The following EFCAB6 variants were observed in gnomAD, a reference collection of about 807,000 sequenced individuals.
The protein encoded by EFCAB6 is EF-hand calcium-binding domain-containing protein 6.
In EFCAB6, 156 loss-of-function variants were observed where a neutral mutation model predicts 169.8. That is an observed-to-expected ratio of 0.92 (90% CI 0.81 to 1.05). The LOEUF is 1.05. Ranked by LOEUF, EFCAB6 falls within the 50% of genes least tolerant of loss-of-function variation. EFCAB6 has a pLI of 0.00. For synonymous variants in EFCAB6, 698 were observed against 676.4 expected (o/e 1.03, Z -0.50); for missense variants, 1,800 against 1,829.1 (o/e 0.98, Z 0.29).
At chr22:43,644,050 C>T (rs1352507511) in intron 17 of EFCAB6, among the ~76,000 whole-genome samples, 5 of 152,064 alleles carry the variant, frequency 3.3e-5, no homozygotes, top group African/African-American at 4.8e-5. Context: ...TCTCCAACTC[C>T]TGACCTCAGG....
intron 16 of EFCAB6, among the ~76,000 whole-genome samples, chr22:43,667,772 G>A (rs774560397): frequency 6.6e-6 from 1 of 152,090 alleles, no homozygotes; most frequent in Non-Finnish European, 1.5e-5. Flanking sequence ...TCCACAAATC[G>A]GCTTGATTTA....
At chr22:43,757,319 G>A (rs1472969445) in intron 5 of EFCAB6, among the ~76,000 whole-genome samples, 1 of 152,128 alleles carries the variant, frequency 6.6e-6, no homozygotes, top group African/African-American at 2.4e-5. Context: ...AGACTGAGGC[G>A]GGAGGATCAC....
intron 2 of EFCAB6, among the ~76,000 whole-genome samples, chr22:43,800,414 T>C (rs574287851): frequency 1.3e-5 from 2 of 152,152 alleles, no homozygotes; most frequent in Non-Finnish European, 2.9e-5. Flanking sequence ...TGCAAAAACA[T>C]AGATGTACAT....
chr22:43,621,618 A>C (rs1021240260), intron 20 of EFCAB6, among the ~76,000 whole-genome samples: 1 of 152,116 alleles, frequency 6.6e-6, no homozygotes, highest in African/African-American at 2.4e-5. Context: ...TCAAATAAAA[A>C]CTATGAGTTT....
intron 17 of EFCAB6, among the ~76,000 whole-genome samples, chr22:43,643,980 C>T (rs1405163102): frequency 6.6e-6 from 1 of 152,066 alleles, no homozygotes; most frequent in African/African-American, 2.4e-5. Context: ...CCCACCATGA[C>T]GCCTGGCAAA....
At chr22:43,759,873 G>A (rs1459870142) in intron 5 of EFCAB6, 2 of 152,176 alleles carry the variant, frequency 1.3e-5, no homozygotes, top group African/African-American at 4.8e-5. Flanking sequence ...TATGTTCACT[G>A]TATGTTATCA....
At chr22:43,558,593 C>A (rs1159559146) in intron 26 of EFCAB6, among the ~76,000 whole-genome samples, 1 of 152,138 alleles carries the variant, frequency 6.6e-6, no homozygotes, top group Non-Finnish European at 1.5e-5. Flanking sequence ...ATTGATGTGG[C>A]AAACTTCAAT....
At chr22:43,611,059 A>G (rs1418121179) in intron 21 of EFCAB6, among the ~76,000 whole-genome samples, 1 of 152,202 alleles carries the variant, frequency 6.6e-6, no homozygotes, top group African/African-American at 2.4e-5. Context: ...AACTTATTCT[A>G]TGAGACCAGT....
chr22:43,605,907 C>G (rs1285780730), intron 22 of EFCAB6, among the ~76,000 whole-genome samples: 1 of 152,108 alleles, frequency 6.6e-6, no homozygotes, highest in African/African-American at 2.4e-5. Context: ...GGAAGTAGCT[C>G]ATCTAATGAA....
intron 4 of EFCAB6, among the ~76,000 whole-genome samples, chr22:43,766,918 G>A (rs1162552880): frequency 6.6e-6 from 1 of 151,980 alleles, no homozygotes; most frequent in East Asian, 1.9e-4. Context: ...AGAGTGCAGT[G>A]GCACAATCTT....
Position 43,711,470 on chromosome 22 carries a change from CT to C in EFCAB6, c.1031+4del. 1 of 1,576,876 alleles carries C rather than the reference CT, an allele frequency of 6.3e-7. No individual in the cohort carries two copies. The highest frequency in any genetic ancestry group is 1.2e-5 in the South Asian group (1 of 84,402). On this transcript the variant is annotated splice_donor_region_variant and intron_variant, in intron 10 of 31. Coordinates refer to ENST00000262726, the MANE Select transcript of EFCAB6 (RefSeq NM_022785.4). The stretch of plus-strand genomic sequence containing the variant: ...AAAATGTCAAGGAAACAATGAGACT[CT>C]TACCTTTTCATTAACTGGATAAAAA...
chr22:43,582,717 G>T (rs968659926), intron 24 of EFCAB6, among the ~76,000 whole-genome samples: 1 of 152,056 alleles, frequency 6.6e-6, no homozygotes, highest in African/African-American at 2.4e-5. Flanking sequence ...GGGTGGGAGG[G>T]CACCAGGTTA....
At chr22:43,768,452 T>C (rs929572923) in intron 4 of EFCAB6, among the ~76,000 whole-genome samples, 1 of 152,222 alleles carries the variant, frequency 6.6e-6, no homozygotes, top group Non-Finnish European at 1.5e-5. Flanking sequence ...AGAAAGAGCA[T>C]GTATCACCAA....
chr22:43,781,916 A>G (rs1289146092), intron 3 of EFCAB6, among the ~76,000 whole-genome samples: 2 of 152,156 alleles, frequency 1.3e-5, no homozygotes, highest in African/African-American at 4.8e-5. Context: ...TTTTATATAT[A>G]TAAGCCCCTG....
chr22:43,627,455 C>T (rs929885248), intron 19 of EFCAB6, among the ~76,000 whole-genome samples: 1 of 152,306 alleles, frequency 6.6e-6, no homozygotes, highest in South Asian at 2.1e-4. Context: ...ACAGTCCCTG[C>T]GTCCTTGGGT....
intron 20 of EFCAB6, among the ~76,000 whole-genome samples, chr22:43,625,849 T>C (rs1256013585): frequency 1.3e-5 from 2 of 152,242 alleles, no homozygotes; most frequent in Non-Finnish European, 2.9e-5. Flanking sequence ...AGAAGAAGGT[T>C]ACTGTGTTCA....
chr22:43,530,266 C>A (rs895941021), intron 31 of EFCAB6, among the ~76,000 whole-genome samples: 2 of 152,244 alleles, frequency 1.3e-5, no homozygotes, highest in Admixed American at 6.5e-5. Context: ...TTATACTTAA[C>A]CCCGAAGGAA....
chr22:43,771,998 C>T (rs1429254689), intron 4 of EFCAB6, among the ~76,000 whole-genome samples: 2 of 152,166 alleles, frequency 1.3e-5, no homozygotes, highest in Non-Finnish European at 2.9e-5. Context: ...CTTCCCCTCT[C>T]ATCTCGAGAA....
intron 9 of EFCAB6, chr22:43,716,566 C>T (rs1178378955): frequency 1.9e-5 from 7 of 374,900 alleles, no homozygotes; most frequent in African/African-American, 6.2e-5. Flanking sequence ...TTTTCCTTTA[C>T]GTTACTCAAT....
Sources: gnomAD v4.1 joint callset for allele counts (sites outside exome capture counted in the v4.1 genomes callset) on GRCh38, gnomAD v4.1.1 for gene constraint, MANE v1.5 for transcripts, NCBI Gene and HGNC (gene_info 2026-07-23, HGNC 2026-07-21) for gene names.